The following BARD1 variants were observed in gnomAD, a reference collection of about 807,000 sequenced individuals.
BARD1 encodes the protein BRCA1-associated RING domain protein 1.
A neutral mutation model predicts 77.0 loss-of-function variants in BARD1; 73 were observed. The observed-to-expected ratio is 0.95, with a 90% CI of 0.79 to 1.15. The LOEUF is 1.15. Ranked by LOEUF, BARD1 falls within the 50% of genes most tolerant of loss-of-function variation. BARD1 has a pLI of 0.00. For synonymous variants in BARD1, 384 were observed against 338.0 expected, an observed-to-expected ratio of 1.14 and a Z score of -1.49; for missense variants, 993 against 938.8, an observed-to-expected ratio of 1.06 and a Z score of -0.75.
rs78042911 is a variant in BARD1, at chr2:214,743,916, T to C, written c.1903+1151A>G. Among the ~76,000 whole-genome samples the C allele has an allele frequency of 4.2e-3, 642 of 152,278 alleles. 1 individual carries two copies. Among genetic ancestry groups the C allele is most frequent in the African/African-American group, 0.014 (594 of 41,558 alleles). ...CATAATTTTATCTCAGGTAGTCTTG[T>C]GTTACATGGCCACCACTAACATCAA... is the stretch of plus-strand genomic sequence containing the variant. On this transcript the variant is annotated intron_variant, in intron 9 of 10. Transcript: ENST00000260947.
chr2:214,768,438 GA>G (rs57839738), intron 5 of BARD1, among the ~76,000 whole-genome samples: 56,389 of 151,828 alleles, frequency 0.37, 10,610 homozygotes, highest in Middle Eastern at 0.44. Context: ...TGGCTTTGAA[GA>G]AAAAAATAAA....
intron 1 of BARD1, among the ~76,000 whole-genome samples, chr2:214,809,111 G>A (rs1227984431): frequency 6.6e-6 from 1 of 152,198 alleles, no homozygotes; most frequent in Non-Finnish European, 1.5e-5. Context: ...CTCTGGAGGC[G>A]CGACCGGGAT....
chr2:214,734,851 G>A (rs1267056023), intron 9 of BARD1, among the ~76,000 whole-genome samples: 1 of 152,100 alleles, frequency 6.6e-6, no homozygotes, highest in East Asian at 1.9e-4. Flanking sequence ...GCTACCAAAA[G>A]TACTTGTATC....
intron 3 of BARD1, among the ~76,000 whole-genome samples, chr2:214,786,627 C>CT (rs1326579241): frequency 6.6e-6 from 1 of 151,922 alleles, no homozygotes. Flanking sequence ...GACATGGTCC[C>CT]TCTCTAGCAA....
intron 7 of BARD1, among the ~76,000 whole-genome samples, chr2:214,746,983 T>C (rs1693152354): frequency 6.6e-6 from 1 of 152,110 alleles, no homozygotes; most frequent in African/African-American, 2.4e-5. Flanking sequence ...ATCCAGGATC[T>C]ACAATGAACT....
At chr2:214,763,379 C>G (rs1199198048) in intron 6 of BARD1, among the ~76,000 whole-genome samples, 1 of 152,108 alleles carries the variant, frequency 6.6e-6, no homozygotes, top group African/African-American at 2.4e-5. Flanking sequence ...CCTACTAGAA[C>G]AGAAGCAGGC....
chr2:214,732,145 T>C (rs887309768), intron 9 of BARD1, among the ~76,000 whole-genome samples: 1 of 152,192 alleles, frequency 6.6e-6, no homozygotes, highest in Admixed American at 6.5e-5. Flanking sequence ...TCTTGAAAAA[T>C]GCTAGTGATA....
At chr2:214,747,623 G>A (rs569187736) in intron 7 of BARD1, among the ~76,000 whole-genome samples, 16 of 141,910 alleles carry the variant, frequency 1.1e-4, no homozygotes, top group South Asian at 9.1e-4. Context: ...ACCAAACACC[G>A]CATGTTCTCA....
chr2:214,772,977 A>T (rs73989342), intron 4 of BARD1, among the ~76,000 whole-genome samples: 2 of 152,210 alleles, frequency 1.3e-5, no homozygotes, highest in African/African-American at 4.8e-5. Context: ...AATTTATCTA[A>T]GGAAAGTATT....
intron 7 of BARD1, among the ~76,000 whole-genome samples, chr2:214,747,762 C>T (rs974579385): frequency 1.3e-5 from 2 of 148,716 alleles, no homozygotes; most frequent in African/African-American, 5.0e-5. Flanking sequence ...TGCTAAATGA[C>T]GAGTTAATGG....
chr2:214,757,822 A>T (rs1340633884), intron 6 of BARD1, among the ~76,000 whole-genome samples: 1 of 152,194 alleles, frequency 6.6e-6, no homozygotes, highest in African/African-American at 2.4e-5. Flanking sequence ...CCCAGACCTG[A>T]AAGGGTAAGG....
chr2:214,771,840 A>G (rs1574798482), intron 4 of BARD1, among the ~76,000 whole-genome samples: 1 of 151,092 alleles, frequency 6.6e-6, no homozygotes, highest in Admixed American at 6.6e-5. Context: ...ATACATTTTT[A>G]TATTCCTAAA....
intron 9 of BARD1, among the ~76,000 whole-genome samples, chr2:214,734,439 T>G (rs1159944269): frequency 1.3e-5 from 2 of 152,172 alleles, no homozygotes; most frequent in African/African-American, 4.8e-5. Context: ...GTATATAAGT[T>G]TATTTTACAC....
intron 3 of BARD1, among the ~76,000 whole-genome samples, chr2:214,783,727 C>A (rs1357149928): frequency 6.6e-6 from 1 of 152,042 alleles, no homozygotes; most frequent in Non-Finnish European, 1.5e-5. Flanking sequence ...ACATCTACAA[C>A]CATCTGATTT....
At chr2:214,738,656 A>T (rs1055424689) in intron 9 of BARD1, among the ~76,000 whole-genome samples, 2 of 152,102 alleles carry the variant, frequency 1.3e-5, no homozygotes, top group Admixed American at 6.6e-5. Context: ...CAAGGAAATT[A>T]AAAAAAGGAG....
At chr2:214,758,211 A>G (rs949779055) in intron 6 of BARD1, among the ~76,000 whole-genome samples, 2 of 152,196 alleles carry the variant, frequency 1.3e-5, no homozygotes, top group Non-Finnish European at 2.9e-5. Flanking sequence ...CCTGCCACTC[A>G]AAAGTCTTAT....
chr2:214,781,307 T>G lies in BARD1; in HGVS notation c.567A>C (p.Ala189=), dbSNP rs878854015. The change falls in exon 4 of 11, where the codon GCA becomes GCC. Residue 189 remains alanine (A), a synonymous_variant. Coordinates refer to ENST00000260947, the MANE Select transcript of BARD1 (RefSeq NM_000465.4). The part of the protein sequence containing the change: ...SYEFVSPSPP[A]DVSERAKKAS... ...CCTTTTTAGCCCTCTCAGAAACATC[T>G]GCAGGAGGACTTGGGGAAACAAATT... is the stretch of plus-strand genomic sequence containing the variant. 29 of 1,611,634 alleles carry G rather than the reference T, an allele frequency of 1.8e-5. No individual in the cohort carries two copies. The highest frequency in any genetic ancestry group is 2.1e-5 in the Non-Finnish European group (25 of 1,179,534).
chr2:214,796,292 C>A (rs1574845913), intron 2 of BARD1, among the ~76,000 whole-genome samples: 1 of 152,086 alleles, frequency 6.6e-6, no homozygotes, highest in South Asian at 2.1e-4. Flanking sequence ...TTGTGTCCCC[C>A]AAAAAGATGT....
intron 1 of BARD1, among the ~76,000 whole-genome samples, chr2:214,808,381 C>G (rs1051382804): frequency 6.6e-6 from 1 of 152,190 alleles, no homozygotes; most frequent in African/African-American, 2.4e-5. Context: ...TGCACTCCAG[C>G]CTGGGCGACA....
Sources: allele counts gnomAD v4.1 joint callset (sites outside exome capture counted in the v4.1 genomes callset), GRCh38; gene constraint gnomAD v4.1.1; transcripts MANE v1.5; gene names NCBI Gene and HGNC (gene_info 2026-07-23, HGNC 2026-07-21).